The following FSAF1 variants were observed in gnomAD, a reference collection of about 807,000 sequenced individuals.
FSAF1 encodes the protein 40S small subunit processome assembly factor 1, also known as uncharacterized protein C1orf131.
At chr1:231,224,275 T>C in the FSAF1 span, 1 of 1,607,372 alleles carries the variant, frequency 6.2e-7, no homozygotes, top group Non-Finnish European at 8.5e-7. Context: ...TTTGACAAAG[T>C]ACTTCATTTG....
the FSAF1 span, among the ~76,000 whole-genome samples, chr1:231,230,238 T>A: frequency 2.0e-5 from 3 of 152,156 alleles, no homozygotes; most frequent in Admixed American, 2.0e-4. Context: ...ATCTCACACA[T>A]CACACACAGA....
the FSAF1 span, chr1:231,241,165 C>T: frequency 6.3e-7 from 1 of 1,597,126 alleles, no homozygotes; most frequent in African/African-American, 1.3e-5. Flanking sequence ...ACCCCCGCTT[C>T]CGGGTTCCGC....
the FSAF1 span, among the ~76,000 whole-genome samples, chr1:231,228,416 T>C: frequency 6.6e-6 from 1 of 152,054 alleles, no homozygotes; most frequent in Non-Finnish European, 1.5e-5. Flanking sequence ...TTGACGACCA[T>C]GGTGAAACCC....
At chr1:231,232,586 C>T in the FSAF1 span, among the ~76,000 whole-genome samples, 2 of 152,192 alleles carry the variant, frequency 1.3e-5, no homozygotes, top group African/African-American at 4.8e-5. Context: ...GATGTAGGGA[C>T]TATTTGTTAT....
chr1:231,226,993 C>A, the FSAF1 span: 1 of 1,614,098 alleles, frequency 6.2e-7, no homozygotes, highest in African/African-American at 1.3e-5. Context: ...AGCATAATGG[C>A]ACGTTCCTGT....
the FSAF1 span, chr1:231,236,961 A>G: frequency 6.6e-6 from 1 of 152,130 alleles, no homozygotes; most frequent in African/African-American, 2.4e-5. Flanking sequence ...GAATCCTAAA[A>G]TAAAGGTAGA....
At chr1:231,239,006 C>A in the FSAF1 span, 1 of 1,614,108 alleles carries the variant, frequency 6.2e-7, no homozygotes, top group African/African-American at 1.3e-5. Context: ...CCAGAAGGAG[C>A]ACAATGCCGC....
the FSAF1 span, chr1:231,237,441 A>T: frequency 6.6e-6 from 1 of 152,364 alleles, no homozygotes; most frequent in African/African-American, 2.4e-5. Context: ...ATAATTAAAC[A>T]TCTCAAAAGG....
At chr1:231,227,162 C>A in the FSAF1 span, 1 of 1,300,430 alleles carries the variant, frequency 7.7e-7, no homozygotes, top group Non-Finnish European at 1.1e-6. Flanking sequence ...AGATCCACCG[C>A]TCTGTAATGA....
chr1:231,227,173 C>T, the FSAF1 span: 1 of 1,204,376 alleles, frequency 8.3e-7, no homozygotes, highest in Non-Finnish European at 1.2e-6. Flanking sequence ...TCTGTAATGA[C>T]AGCGTACAGG....
At chr1:231,228,512 T>C in the FSAF1 span, among the ~76,000 whole-genome samples, 1 of 149,678 alleles carries the variant, frequency 6.7e-6, no homozygotes, top group African/African-American at 2.5e-5. Flanking sequence ...AGTCGGAGGA[T>C]CACTTGAACT....
At chr1:231,239,098 G>A in the FSAF1 span, 1 of 1,613,850 alleles carries the variant, frequency 6.2e-7, no homozygotes, top group African/African-American at 1.3e-5. Flanking sequence ...AGATGGCTCT[G>A]CTGCCAAGGC....
At chr1:231,236,368 C>T in the FSAF1 span, among the ~76,000 whole-genome samples, 1 of 150,656 alleles carries the variant, frequency 6.6e-6, no homozygotes. Flanking sequence ...TCAAAGGACA[C>T]ATTTAAAAAA....
At chr1:231,225,093 A>G in the FSAF1 span, 3 of 220,122 alleles carry the variant, frequency 1.4e-5, no homozygotes, top group Non-Finnish European at 2.7e-5. Flanking sequence ...ATAAAGCAAC[A>G]AAGTCAACAT....
At chr1:231,225,615 A>T in the FSAF1 span, 1 of 1,118,074 alleles carries the variant, frequency 8.9e-7, no homozygotes, top group Admixed American at 1.8e-5. Flanking sequence ...AGTCATTGAG[A>T]TACCATTTTT....
the FSAF1 span, chr1:231,238,532 TCTGC>T: frequency 5.0e-6 from 1 of 201,828 alleles, no homozygotes; most frequent in Non-Finnish European, 1.0e-5. Context: ...ATTAGAATAT[TCTGC>T]CTGATCAGAG....
At chr1:231,224,197 G>T in the FSAF1 span, 1 of 1,409,842 alleles carries the variant, frequency 7.1e-7, no homozygotes, top group Non-Finnish European at 9.5e-7. Context: ...TGTTAAGAAC[G>T]ATCTATCTAG....
chr1:231,235,222 C>T, the FSAF1 span, among the ~76,000 whole-genome samples: 1 of 152,082 alleles, frequency 6.6e-6, no homozygotes, highest in East Asian at 1.9e-4. Context: ...GGACATGGGC[C>T]GGACGCAGTG....
the FSAF1 span, among the ~76,000 whole-genome samples, chr1:231,235,562 G>T: frequency 4.6e-5 from 7 of 151,370 alleles, no homozygotes; most frequent in Admixed American, 6.6e-5. Flanking sequence ...CAGTGCTTTG[G>T]GAGGCTGCGG....
Sources: allele counts gnomAD v4.1 joint callset (sites outside exome capture counted in the v4.1 genomes callset), GRCh38; gene constraint gnomAD v4.1.1; transcripts MANE v1.5; gene names NCBI Gene and HGNC (gene_info 2026-07-23, HGNC 2026-07-21).